Variants in PTPRJ observed in about 807,000 individuals in gnomAD.
PTPRJ encodes protein tyrosine phosphatase receptor type J.
In PTPRJ, 129 loss-of-function variants were observed where a neutral mutation model predicts 141.3. The ratio of observed to expected loss-of-function variants is 0.91; its 90% confidence interval spans 0.79 to 1.06. PTPRJ has a LOEUF of 1.06. PTPRJ is among the 50% of genes least tolerant of loss of function. The probability of loss-of-function intolerance (pLI) is 0.00; values close to 1 mark genes in which losing one functional copy is unlikely to be tolerated. For missense variants in PTPRJ, 1,601 were observed against 1,679.7 expected, an observed-to-expected ratio of 0.95 and a Z score of 0.82; for synonymous variants, 610 against 640.5, an observed-to-expected ratio of 0.95 and a Z score of 0.72.
chr11:48,113,059 T>C (rs1856480451), intron 3 of PTPRJ, 76 bp downstream of exon 3: 3 of 1,269,334 alleles, frequency 2.4e-6, no homozygotes, highest in Non-Finnish European at 3.3e-6. Context: ...GTTTTCCAAA[T>C]ACTGTTCTTC....
intron 1 of PTPRJ, among the ~76,000 whole-genome samples, chr11:47,992,930 T>C (rs1854234900): frequency 6.6e-6 from 1 of 152,178 alleles, no homozygotes; most frequent in African/African-American, 2.4e-5. Flanking sequence ...CAGAAAACAC[T>C]GGAAGTCACT....
intron 1 of PTPRJ, among the ~76,000 whole-genome samples, chr11:48,040,341 T>A (rs911051354): frequency 2.6e-5 from 4 of 152,236 alleles, no homozygotes; most frequent in African/African-American, 9.6e-5. Context: ...AAAGAAATTC[T>A]TTCCCCAGAG....
chr11:48,034,667 G>T (rs1241953651), intron 1 of PTPRJ, among the ~76,000 whole-genome samples: 1 of 152,124 alleles, frequency 6.6e-6, no homozygotes, highest in African/African-American at 2.4e-5. Flanking sequence ...TGCTCATTTT[G>T]CAGGCAAGAA....
rs34681195 is a variant in PTPRJ, at chr11:48,120,976, ATTTT to A, written c.353-14_353-11del. ...TTACATTTCTTTTTGAAGTGCAATA[ATTTT>A]TTTTTTTTTTTTAACAATATAGGGC... On this transcript the variant is annotated intron_variant, in intron 3 of 24. Transcript: ENST00000418331. The A allele has an allele frequency of 3.2e-4, 438 of 1,369,796 alleles. No individual in the cohort carries two copies. The highest frequency in any genetic ancestry group is 5.9e-4 in the Middle Eastern group (3 of 5,090). 84.9% of individuals were successfully genotyped at this position (1,369,796 alleles called of 1,614,324 possible).
At chr11:48,077,652 A>T (rs1189384090) in intron 1 of PTPRJ, among the ~76,000 whole-genome samples, 1 of 151,982 alleles carries the variant, frequency 6.6e-6, no homozygotes, top group African/African-American at 2.4e-5. Context: ...GCCCTACCCC[A>T]TGCCTTTGCA....
chr11:48,129,117 G>A (rs960797288), intron 7 of PTPRJ, among the ~76,000 whole-genome samples: 1 of 152,214 alleles, frequency 6.6e-6, no homozygotes, highest in Non-Finnish European at 1.5e-5. Flanking sequence ...CCAAGGCTCA[G>A]TTGTATGAAA....
chr11:48,088,710 A>G (rs1039517933), intron 1 of PTPRJ, among the ~76,000 whole-genome samples: 1 of 152,160 alleles, frequency 6.6e-6, no homozygotes, highest in Non-Finnish European at 1.5e-5. Context: ...CTTGAGTAAC[A>G]TAAGAGCTTC....
At chr11:47,990,544 T>TG (rs1854162729) in intron 1 of PTPRJ, among the ~76,000 whole-genome samples, 1 of 152,156 alleles carries the variant, frequency 6.6e-6, no homozygotes, top group Non-Finnish European at 1.5e-5. Context: ...TGCCTCAGCC[T>TG]GGGATTACAA....
chr11:47,980,732 C>A lies in PTPRJ; in HGVS notation c.-181C>A, dbSNP rs932572397. On this transcript the variant is annotated 5_prime_UTR_variant, in exon 1 of 25. Transcript: ENST00000418331. ...CTAGGCTCCGGCGTGTGGCCGCGGCCGCCGCCGCCGCTGCCATGTCTCCGG... is the reference window on the plus strand; with the variant it reads ...CTAGGCTCCGGCGTGTGGCCGCGGCAGCCGCCGCCGCTGCCATGTCTCCGG... 4 of 1,004,108 alleles carry A rather than the reference C, an allele frequency of 4.0e-6. No homozygotes were observed. In the African/African-American group the frequency reaches 7.0e-5, roughly 18 times the overall value. 62.2% of individuals were successfully genotyped at this position (1,004,108 alleles called of 1,614,324 possible).
At chr11:48,163,904 G>T (rs1388309217) in intron 23 of PTPRJ, among the ~76,000 whole-genome samples, 1 of 152,162 alleles carries the variant, frequency 6.6e-6, no homozygotes, top group Non-Finnish European at 1.5e-5. Context: ...TTGCTTTTCT[G>T]CTACAGTGAC....
At chr11:48,002,262 C>G (rs1198941483) in intron 1 of PTPRJ, among the ~76,000 whole-genome samples, 1 of 151,690 alleles carries the variant, frequency 6.6e-6, no homozygotes, top group Non-Finnish European at 1.5e-5. Flanking sequence ...CTCAGCCTCC[C>G]GAGTAGCTGG....
At chr11:48,124,876 A>ATGGCCATCAGACAG in intron 5 of PTPRJ, 92 bp from the exon 6 acceptor site, 3 of 1,183,702 alleles carry the variant, frequency 2.5e-6, no homozygotes, top group Non-Finnish European at 3.7e-6. Flanking sequence ...CCACTGTCTG[A>ATGGCCATCAGACAG]TGGCCATCTG....
intron 1 of PTPRJ, among the ~76,000 whole-genome samples, chr11:47,989,557 C>T (rs1854137433): frequency 1.3e-5 from 2 of 151,512 alleles, no homozygotes; most frequent in Non-Finnish European, 2.9e-5. Context: ...AGATTACAGG[C>T]GTGAGCCACT....
rs1565322221 is a variant in PTPRJ, at chr11:48,137,300, G to A, written c.2152+19G>A. The A allele has an allele frequency of 4.4e-6, 7 of 1,606,660 alleles. No homozygotes were observed. In the Admixed American group the frequency reaches 5.0e-5, roughly 12 times the overall value. On this transcript the variant is annotated intron_variant, in intron 10 of 24. Coordinates refer to ENST00000418331, the MANE Select transcript of PTPRJ (RefSeq NM_002843.4). ...TGTACAGGTGAGTGTAGCCCCAACT[G>A]CCTCTTGGACTCCTCCCTGAGTGGT...
At position 48,168,611 on chromosome 11, in the gene PTPRJ, A is replaced by G. The variant is rs1236482006; in HGVS notation, c.*1249A>G. 7.4e-6 allele frequency: 1 copy of G among 135,266 alleles called. No individual in the cohort carries two copies. Among genetic ancestry groups the G allele is most frequent in the Non-Finnish European group, 1.6e-5 (1 of 64,118 alleles). 8.4% of individuals were successfully genotyped at this position (135,266 alleles called of 1,614,324 possible). A position where few individuals can be genotyped will look rare whatever the true frequency, so the allele number is the denominator to read the frequency against. Reference sequence around the variant, plus strand: ...TAAGCTCTCAAAAACAGTCATTCCTATGAATTGAGGTGTACAAAGTTTGAA... The same window carrying G: ...TAAGCTCTCAAAAACAGTCATTCCTGTGAATTGAGGTGTACAAAGTTTGAA... On this transcript the variant is annotated 3_prime_UTR_variant, in exon 25 of 25. Transcript: ENST00000418331.
chr11:48,111,974 G>A (rs1875696), intron 2 of PTPRJ, among the ~76,000 whole-genome samples: 101,183 of 151,484 alleles, frequency 0.67, 35,394 homozygotes, highest in East Asian at 0.81. Flanking sequence ...AGCAAGCAGA[G>A]AGGGAGGAAT....
intron 3 of PTPRJ, among the ~76,000 whole-genome samples, chr11:48,116,355 C>T (rs1443835455): frequency 6.6e-6 from 1 of 152,174 alleles, no homozygotes; most frequent in Non-Finnish European, 1.5e-5. Flanking sequence ...ATAAAGGGAT[C>T]AATTCATCAA....
chr11:48,051,148 T>C (rs181303261), intron 1 of PTPRJ, among the ~76,000 whole-genome samples: 71 of 132,966 alleles, frequency 5.3e-4, no homozygotes, highest in Non-Finnish European at 1.0e-3. Flanking sequence ...CAGGCTGGAG[T>C]GCAATGATGC....
intron 1 of PTPRJ, among the ~76,000 whole-genome samples, chr11:48,026,167 AGGTTCGAG>A (rs1435481050): frequency 2.4e-4 from 37 of 152,214 alleles, no homozygotes; most frequent in African/African-American, 8.4e-4. Context: ...TCATTGTGGA[AGGTTCGAG>A]TCTTACTTAC....
Sources: gnomAD v4.1 joint callset for allele counts (sites outside exome capture counted in the v4.1 genomes callset) on GRCh38, gnomAD v4.1.1 for gene constraint, MANE v1.5 for transcripts, NCBI Gene and HGNC (gene_info 2026-07-23, HGNC 2026-07-21) for gene names.